B3GLCT: variants seen among roughly 807,000 people sequenced by gnomAD.
B3GLCT encodes beta 3-glucosyltransferase, also known as beta-1,3-glucosyltransferase.
B3GLCT carries 65 observed loss-of-function variants against 63.4 expected under a neutral mutation model. The ratio of observed to expected loss-of-function variants is 1.03; its 90% CI spans 0.84 to 1.26. The LOEUF (loss-of-function observed/expected upper bound fraction) is 1.26. Ranked by LOEUF, B3GLCT falls within the 50% of genes most tolerant of loss-of-function variation. B3GLCT has a pLI of 0.00. For synonymous variants in B3GLCT, 233 were observed against 219.2 expected (o/e 1.06, Z -0.55); for missense variants, 577 against 604.8 (o/e 0.95, Z 0.48).
At chr13:31,315,311 A>G (rs1033987052) in intron 12 of B3GLCT, among the ~76,000 whole-genome samples, 1 of 152,218 alleles carries the variant, frequency 6.6e-6, no homozygotes, top group African/African-American at 2.4e-5. Flanking sequence ...GTTTTGACCA[A>G]TGAAGTCCAG....
chr13:31,317,828 T>C, intron 13 of B3GLCT, 143 bp downstream of exon 13: 1 of 980,858 alleles, frequency 1.0e-6, no homozygotes, highest in South Asian at 1.5e-5. Flanking sequence ...AAAGTGAACA[T>C]TATATTTGCT....
At chr13:31,274,485 T>G (rs769466155) in intron 8 of B3GLCT, 24 bp from the exon 9 acceptor site, 2 of 1,614,210 alleles carry the variant, frequency 1.2e-6, no homozygotes, top group Non-Finnish European at 1.7e-6. Context: ...CTTTCATCAC[T>G]GCCTGTCTCC....
rs114039473 is a variant in B3GLCT at position 31,298,728 on chromosome 13, T to C, written c.1064+11909T>C. 6.5e-3 allele frequency among the ~76,000 whole-genome samples: 995 copies of C among 152,324 alleles called. 14 individuals carry two copies. The highest frequency in any genetic ancestry group is 0.019 in the African/African-American group (809 of 41,566). On this transcript the variant is annotated intron_variant, in intron 12 of 14. Transcript: ENST00000343307. The stretch of plus-strand genomic sequence containing the variant: ...CAACAATGCTAGTCTAGCAGGTACC[T>C]TCTCCTCAGCCTACTCCCATGCAGA...
intron 12 of B3GLCT, among the ~76,000 whole-genome samples, chr13:31,293,625 C>T (rs1336736252): frequency 1.3e-5 from 2 of 151,980 alleles, no homozygotes; most frequent in Non-Finnish European, 2.9e-5. Context: ...GGATTGCAAC[C>T]CTTGCTCTCT....
rs934134113 is a variant in B3GLCT at position 31,332,115 on chromosome 13, T to C, written c.*2447T>C. 22 of 152,208 alleles carry C rather than the reference T, an allele frequency of 1.4e-4. No homozygotes were observed. Among genetic ancestry groups the C allele is most frequent in the African/African-American group, 5.3e-4 (22 of 41,458 alleles). 9.4% of individuals were successfully genotyped at this position (152,208 alleles called of 1,614,324 possible). A position where few individuals can be genotyped will look rare whatever the true frequency, so the allele number is the denominator to read the frequency against. ...GATGCTATGTATGGGTATGTAAATA[T>C]CAGTGCTGTCTGCATTTCTGGGTTT... On this transcript the variant is annotated 3_prime_UTR_variant, in exon 15 of 15. Transcript: ENST00000343307.
intron 1 of B3GLCT, 21 bp downstream of exon 1, chr13:31,200,175 C>A (rs1868561279): frequency 1.6e-6 from 2 of 1,280,758 alleles, no homozygotes; most frequent in Non-Finnish European, 2.0e-6. Context: ...GGCGGCCAGG[C>A]GCGCAAGGGC....
chr13:31,317,453 C>A, intron 12 of B3GLCT, 113 bp from the exon 13 acceptor site: 2 of 1,260,172 alleles, frequency 1.6e-6, no homozygotes, highest in Non-Finnish European at 2.3e-6. Context: ...CTTCTCTTAA[C>A]TATTTCAGTT....
In B3GLCT at chr13:31,331,850, T is replaced by C. The variant is rs890073831; in HGVS notation, c.*2182T>C. The C allele has an allele frequency of 6.6e-6, 1 of 152,226 alleles. No individual in the cohort carries two copies. Among genetic ancestry groups the C allele is most frequent in the Non-Finnish European group, 1.5e-5 (1 of 68,034 alleles). The allele number at this position is 152,226 out of a possible 1,614,324, so 9.4% of individuals were successfully genotyped here. A position where few individuals can be genotyped will look rare whatever the true frequency, so the allele number is the denominator to read the frequency against. ...TACTCACATTTCCTTTGCTTTGAAA[T>C]AGGGCTTTCCTTCCAAATGGCTATT... On this transcript the variant is annotated 3_prime_UTR_variant, in exon 15 of 15. Transcript: ENST00000343307.
chr13:31,245,049 A>T (rs2137801614), intron 4 of B3GLCT, among the ~76,000 whole-genome samples: 1 of 152,288 alleles, frequency 6.6e-6, no homozygotes, highest in East Asian at 1.9e-4. Flanking sequence ...CTAGTATATG[A>T]TTTACTAAAC....
intron 1 of B3GLCT, among the ~76,000 whole-genome samples, chr13:31,209,473 A>T (rs937061037): frequency 3.9e-5 from 6 of 152,186 alleles, no homozygotes; most frequent in African/African-American, 1.4e-4. Flanking sequence ...CACAGGAAAG[A>T]AAGTGAAGCC....
intron 4 of B3GLCT, among the ~76,000 whole-genome samples, chr13:31,238,951 TG>T (rs1870793008): frequency 6.6e-6 from 1 of 152,214 alleles, no homozygotes; most frequent in Non-Finnish European, 1.5e-5. Context: ...GTGCTAATTG[TG>T]CATGTGAAGC....
chr13:31,272,376 G>T (rs936484311), intron 8 of B3GLCT, among the ~76,000 whole-genome samples: 1 of 151,648 alleles, frequency 6.6e-6, no homozygotes, highest in Non-Finnish European at 1.5e-5. Flanking sequence ...CACCATGCCC[G>T]GCTAATTTTT....
At chr13:31,212,121 T>G (rs1424328344) in intron 1 of B3GLCT, among the ~76,000 whole-genome samples, 2 of 152,122 alleles carry the variant, frequency 1.3e-5, no homozygotes, top group Non-Finnish European at 2.9e-5. Flanking sequence ...TTTTTTTTTT[T>G]TTGAGACAGA....
chr13:31,258,175 G>T (rs1484373428), intron 6 of B3GLCT, among the ~76,000 whole-genome samples: 1 of 152,154 alleles, frequency 6.6e-6, no homozygotes, highest in Non-Finnish European at 1.5e-5. Flanking sequence ...ATGTTAAGCT[G>T]CCTACTTCAT....
intron 14 of B3GLCT, among the ~76,000 whole-genome samples, chr13:31,326,277 T>TTA (rs1175505369): frequency 4.0e-5 from 5 of 123,906 alleles, no homozygotes; most frequent in African/African-American, 6.2e-5. Context: ...GTCTTTCCCT[T>TTA]TTTTTTTTTT....
intron 4 of B3GLCT, among the ~76,000 whole-genome samples, chr13:31,231,181 G>A (rs1870363650): frequency 6.6e-6 from 1 of 152,104 alleles, no homozygotes; most frequent in Non-Finnish European, 1.5e-5. Context: ...GCAGGCTGCT[G>A]CAGGGAGGAG....
At chr13:31,282,594 A>T (rs1873126964) in intron 10 of B3GLCT, among the ~76,000 whole-genome samples, 1 of 150,672 alleles carries the variant, frequency 6.6e-6, no homozygotes, top group African/African-American at 2.4e-5. Flanking sequence ...GTGAGCTGAG[A>T]TCACACCACT....
chr13:31,298,742 C>T (rs1337003251), intron 12 of B3GLCT, among the ~76,000 whole-genome samples: 4 of 152,218 alleles, frequency 2.6e-5, no homozygotes. Context: ...CCTCAGCCTA[C>T]TCCCATGCAG....
At chr13:31,249,686 A>T (rs916036464) in intron 6 of B3GLCT, among the ~76,000 whole-genome samples, 1 of 152,192 alleles carries the variant, frequency 6.6e-6, no homozygotes, top group African/African-American at 2.4e-5. Flanking sequence ...GTAAAAGGAG[A>T]TGTTTTCTCC....
Sources: allele counts gnomAD v4.1 joint callset (sites outside exome capture counted in the v4.1 genomes callset), GRCh38; gene constraint gnomAD v4.1.1; transcripts MANE v1.5; gene names NCBI Gene and HGNC (gene_info 2026-07-23, HGNC 2026-07-21).